Variants in CD2AP observed in about 807,000 individuals in gnomAD.
CD2AP encodes the protein CD2 associated protein.
In CD2AP, 46 loss-of-function variants were observed where a neutral mutation model predicts 85.1. The ratio of observed to expected loss-of-function variants is 0.54; its 90% CI spans 0.43 to 0.69. The LOEUF (loss-of-function observed/expected upper bound fraction) is 0.69, where lower values mean the gene tolerates loss of function less well. Among genes scored for constraint, CD2AP ranks in the 30% least tolerant of loss-of-function variants. The probability of loss-of-function intolerance (pLI) is 0.00; values close to 1 mark genes in which losing one functional copy is unlikely to be tolerated. For missense variants in CD2AP, 769 were observed against 729.5 expected (o/e 1.05, Z -0.62); for synonymous variants, 255 against 252.9 (o/e 1.01, Z -0.08).
In CD2AP at chr6:47,502,921, A is replaced by AAG. The variant is rs1259064239; in HGVS notation, c.5-351_5-350dup. Reference sequence around the variant, plus strand: ...CAGTCACAGGTCACATTGGCAGTCAAAGAGAGAGAATTACATAAGGACATG... The same window carrying AAG: ...CAGTCACAGGTCACATTGGCAGTCAAAGAGAGAGAGAATTACATAAGGACATG... On this transcript the variant is annotated intron_variant, in intron 1 of 17. Transcript: ENST00000359314. 8.5e-5 allele frequency among the ~76,000 whole-genome samples: 13 copies of AAG among 152,308 alleles called. No homozygotes were observed. The South Asian group carries it at 2.5e-3, about 29-fold the overall frequency.
intron 5 of CD2AP, among the ~76,000 whole-genome samples, chr6:47,568,038 G>T (rs1001163204): frequency 1.6e-4 from 25 of 152,084 alleles, no homozygotes; most frequent in African/African-American, 5.8e-4. Flanking sequence ...TGTAGAATAG[G>T]ATCTATATAA....
chr6:47,533,438 G>A (rs974757683), intron 2 of CD2AP, among the ~76,000 whole-genome samples, 164 bp from the exon 3 acceptor site: 2 of 152,058 alleles, frequency 1.3e-5, no homozygotes, highest in Non-Finnish European at 2.9e-5. Flanking sequence ...TTACCAAAAT[G>A]TGTTTTATTC....
chr6:47,585,469 A>C (rs1435456871), intron 11 of CD2AP, among the ~76,000 whole-genome samples: 1 of 152,204 alleles, frequency 6.6e-6, no homozygotes, highest in East Asian at 1.9e-4. Flanking sequence ...CAGACAGTAT[A>C]AGTCACTGTG....
chr6:47,505,633 C>T (rs1161172906), intron 2 of CD2AP, among the ~76,000 whole-genome samples: 1 of 126,556 alleles, frequency 7.9e-6, no homozygotes, highest in Admixed American at 9.2e-5. Flanking sequence ...CTGACCCCCC[C>T]CACCTCCCTC....
intron 11 of CD2AP, among the ~76,000 whole-genome samples, chr6:47,582,598 G>C (rs1768509258): frequency 6.6e-6 from 1 of 152,060 alleles, no homozygotes; most frequent in South Asian, 2.1e-4. Context: ...TAGTAGATTA[G>C]TTTATATACA....
At position 47,503,535 on chromosome 6, in the gene CD2AP, A is replaced by G. The variant is rs983187870; in HGVS notation, c.165+95A>G. On this transcript the variant is annotated intron_variant, in intron 2 of 17. Transcript: ENST00000359314. ...TATACTTTTAAAATTAAAATGTTTT[A>G]GATAAATGTTTTCTTTGTAACATTT... 3.3e-5 allele frequency: 37 copies of G among 1,128,452 alleles called. No homozygotes were observed. In the African/African-American group the frequency reaches 4.8e-4, roughly 15 times the overall value. The allele number at this position is 1,128,452 out of a possible 1,614,324, so 69.9% of individuals were successfully genotyped here. A position where few individuals can be genotyped will look rare whatever the true frequency, so the allele number is the denominator to read the frequency against.
At chr6:47,584,680 C>CT (rs1342319448) in intron 11 of CD2AP, among the ~76,000 whole-genome samples, 4 of 151,556 alleles carry the variant, frequency 2.6e-5, no homozygotes, top group Non-Finnish European at 4.4e-5. Flanking sequence ...TTTTTATATT[C>CT]TTTTTTTATA....
chr6:47,585,968 T>C (rs971265178), intron 11 of CD2AP, among the ~76,000 whole-genome samples: 8 of 152,164 alleles, frequency 5.3e-5, no homozygotes, highest in Non-Finnish European at 1.2e-4. Flanking sequence ...TAAAAGCATA[T>C]AATGAAATTT....
chr6:47,570,163 G>C (rs1211709925), intron 5 of CD2AP, among the ~76,000 whole-genome samples: 1 of 150,950 alleles, frequency 6.6e-6, no homozygotes, highest in East Asian at 1.9e-4. Context: ...TAAGCTTTCA[G>C]TGCAGTTCAC....
chr6:47,487,678 A>G (rs1317010684), intron 1 of CD2AP, among the ~76,000 whole-genome samples: 1 of 150,454 alleles, frequency 6.6e-6, no homozygotes, highest in Non-Finnish European at 1.5e-5. Context: ...TGACAGAGCG[A>G]GACTCTGTCT....
At chr6:47,479,213 G>C (rs1765384340) in intron 1 of CD2AP, among the ~76,000 whole-genome samples, 1 of 152,180 alleles carries the variant, frequency 6.6e-6, no homozygotes, top group Non-Finnish European at 1.5e-5. Context: ...TTTTTGTAGA[G>C]CAAATCAGGA....
At position 47,583,005 on chromosome 6, in the gene CD2AP, G is replaced by A. The variant is rs942437249; in HGVS notation, c.1108+940G>A. Among the ~76,000 whole-genome samples the A allele has an allele frequency of 2.6e-5, 4 of 152,098 alleles. No homozygotes were observed. In the East Asian group the frequency reaches 7.7e-4, roughly 29 times the overall value. ...TCACCATGTTAGCCAGGATGGTCTC[G>A]ATTTGCTGACCTCGTGATCCACCCA... On this transcript the variant is annotated intron_variant, in intron 11 of 17. Transcript: ENST00000359314.
chr6:47,479,080 C>CATT (rs1765381685), intron 1 of CD2AP, among the ~76,000 whole-genome samples: 1 of 152,102 alleles, frequency 6.6e-6, no homozygotes, highest in Non-Finnish European at 1.5e-5. Context: ...GTGGGCTAGG[C>CATT]ATTAAACTAA....
intron 13 of CD2AP, among the ~76,000 whole-genome samples, chr6:47,602,202 A>T (rs996169885): frequency 6.6e-6 from 1 of 152,174 alleles, no homozygotes; most frequent in South Asian, 2.1e-4. Context: ...TGTAAGAAAG[A>T]CATATACAGA....
intron 4 of CD2AP, among the ~76,000 whole-genome samples, chr6:47,548,171 A>G (rs1767416584): frequency 3.3e-5 from 5 of 152,160 alleles, no homozygotes; most frequent in African/African-American, 9.7e-5. Context: ...AACCAAACCC[A>G]AACTCGGCAG....
chr6:47,495,035 C>T (rs1243082557), intron 1 of CD2AP, among the ~76,000 whole-genome samples: 1 of 151,940 alleles, frequency 6.6e-6, no homozygotes, highest in African/African-American at 2.4e-5. Context: ...TGGTGGTGCA[C>T]CCCTATAGTC....
intron 1 of CD2AP, among the ~76,000 whole-genome samples, chr6:47,485,668 A>C (rs1376436944): frequency 3.3e-5 from 5 of 152,030 alleles, no homozygotes; most frequent in South Asian, 2.1e-4. Context: ...TTTGCTCACC[A>C]CTCACTGACT....
intron 6 of CD2AP, among the ~76,000 whole-genome samples, chr6:47,575,099 A>G (rs1768269773): frequency 6.6e-6 from 1 of 152,160 alleles, no homozygotes; most frequent in Non-Finnish European, 1.5e-5. Flanking sequence ...GTAGCAGTGA[A>G]GAGTTGGGTT....
intron 2 of CD2AP, among the ~76,000 whole-genome samples, chr6:47,522,092 TGTTCACTGATGA>T (rs1238194710): frequency 6.6e-6 from 1 of 152,078 alleles, no homozygotes; most frequent in Admixed American, 6.5e-5. Flanking sequence ...TGGTGGACTC[TGTTCACTGATGA>T]GTTTCATATA....
Sources: allele counts gnomAD v4.1 joint callset (sites outside exome capture counted in the v4.1 genomes callset), GRCh38; gene constraint gnomAD v4.1.1; transcripts MANE v1.5; gene names NCBI Gene and HGNC (gene_info 2026-07-23, HGNC 2026-07-21).